Variants in CHGB observed in about 807,000 individuals in gnomAD.
CHGB encodes chromogranin B, also known as secretogranin-1.
CHGB carries 46 observed loss-of-function variants against 69.9 expected under a neutral mutation model. That is an observed-to-expected ratio of 0.66 (90% confidence interval 0.52 to 0.84). The LOEUF (loss-of-function observed/expected upper bound fraction) is 0.84. Among genes scored for constraint, CHGB ranks in the 40% least tolerant of loss-of-function variants. CHGB has a pLI of 0.00. For synonymous variants in CHGB, 312 were observed against 298.2 expected (o/e 1.05, Z -0.48); for missense variants, 796 against 822.2 (o/e 0.97, Z 0.39).
In CHGB at chr20:5,917,147, C is replaced by T. The variant is rs1036449648; in HGVS notation, c.190+228C>T. 24 of 546,378 alleles carry T rather than the reference C, an allele frequency of 4.4e-5. No homozygotes were observed. The South Asian group carries it at 4.5e-4, about 10-fold the overall frequency. 33.8% of individuals were successfully genotyped at this position (546,378 alleles called of 1,614,324 possible). On this transcript the variant is annotated intron_variant, in intron 3 of 4. Coordinates refer to ENST00000378961, the MANE Select transcript of CHGB (RefSeq NM_001819.3). ...AGGAAAGACAGTTTGCCTCTCTTTT[C>T]CTCAAAGTAAAATGAAGGAGTTGAA... is the stretch of plus-strand genomic sequence containing the variant.
intron 3 of CHGB, among the ~76,000 whole-genome samples, chr20:5,921,128 A>T (rs1257518726): frequency 6.6e-6 from 1 of 152,118 alleles, no homozygotes; most frequent in Non-Finnish European, 1.5e-5. Flanking sequence ...TTTTTTTCTG[A>T]TATATAATTT....
At chr20:5,914,779 G>A (rs6053788) in intron 1 of CHGB, 2 of 152,222 alleles carry the variant, frequency 1.3e-5, no homozygotes, top group Non-Finnish European at 2.9e-5. Flanking sequence ...AAGCATTTCA[G>A]GAGGAACTTG....
rs1381527582 is a variant in CHGB at position 5,922,963 on chromosome 20, G to A, written c.819G>A (p.Glu273=). The A allele has an allele frequency of 6.2e-7, 1 of 1,610,716 alleles. No individual in the cohort carries two copies. Among genetic ancestry groups the A allele is most frequent in the South Asian group, 1.1e-5 (1 of 90,768 alleles). Residue 273 remains glutamate (E), a synonymous_variant, in exon 4 of 5, where the codon GAG becomes GAA. Coordinates refer to ENST00000378961, the MANE Select transcript of CHGB (RefSeq NM_001819.3). ...AAGGTGAGGAAGATGCCACCTCTGAGGTGGACAAACGACGCACGAGGCCCA... is the reference window on the plus strand; with the variant it reads ...AAGGTGAGGAAGATGCCACCTCTGAAGTGGACAAACGACGCACGAGGCCCA... ...SEEGEEDATS[E]VDKRRTRPRH... is the part of the protein sequence containing the mutation.
intron 3 of CHGB, among the ~76,000 whole-genome samples, chr20:5,921,352 C>T (rs562892745): frequency 6.6e-6 from 1 of 152,214 alleles, no homozygotes; most frequent in South Asian, 2.1e-4. Context: ...CAGTGTAGAC[C>T]CAGAGCTGTC....
At position 5,923,334 on chromosome 20, in the gene CHGB, T is replaced by C; in HGVS notation, c.1190T>C (p.Met397Thr). 6.2e-7 allele frequency: 1 copy of C among 1,613,646 alleles called. No homozygotes were observed. Among genetic ancestry groups the C allele is most frequent in the Non-Finnish European group, 8.5e-7 (1 of 1,179,998 alleles). ...RNYPSLELDK[M>T]AHGYGEESEE... Reference sequence around the variant, plus strand: ...TACCCCAGCTTAGAGCTTGATAAGATGGCACATGGATATGGTGAAGAAAGT... The same window carrying C: ...TACCCCAGCTTAGAGCTTGATAAGACGGCACATGGATATGGTGAAGAAAGT... The change falls in exon 4 of 5, where the codon ATG (methionine) becomes ACG (threonine). Residue 397 changes from methionine (M) to threonine (T), a missense_variant. Around this residue, in one of 3 missense-constraint regions of CHGB, gnomAD observed 518 missense variants for 506.3 expected, o/e 1.02. Transcript: ENST00000378961.
At chr20:5,920,125 C>T (rs886761352) in intron 3 of CHGB, among the ~76,000 whole-genome samples, 4 of 152,220 alleles carry the variant, frequency 2.6e-5, no homozygotes, top group African/African-American at 9.7e-5. Context: ...CCAGGCCCAC[C>T]TGCGGGGCTT....
chr20:5,916,261 A>G, intron 1 of CHGB, 65 bp from the exon 2 acceptor site: 1 of 1,263,188 alleles, frequency 7.9e-7, no homozygotes, highest in South Asian at 1.3e-5. Context: ...TGATTTTGTC[A>G]GTTGGGGTCA....
At chr20:5,915,563 G>A (rs944346328) in intron 1 of CHGB, 2 of 152,096 alleles carry the variant, frequency 1.3e-5, no homozygotes, top group African/African-American at 4.8e-5. Flanking sequence ...AATTAATTAT[G>A]GAAGACATCC....
Position 5,923,723 on chromosome 20 carries a change from G to A in CHGB, c.1579G>A (p.Asp527Asn), listed in dbSNP as rs947737988. ...RLGELFNPYYDPLQWKSSHFE... is the reference protein window; with the variant it reads ...RLGELFNPYYNPLQWKSSHFE... ...AGGGGAACTGTTCAACCCATACTAC[G>A]ACCCTCTCCAGTGGAAGAGCAGCCA... Residue 527 changes from aspartate (D) to asparagine (N), a missense_variant, in exon 4 of 5, where the codon GAC becomes AAC. Asp to Asn is a conservative substitution (Grantham distance 23, BLOSUM62 1). Transcript: ENST00000378961. 6 of 1,614,004 alleles carry A rather than the reference G, an allele frequency of 3.7e-6. No homozygotes were observed. Among genetic ancestry groups the A allele is most frequent in the Non-Finnish European group, 4.2e-6 (5 of 1,180,036 alleles).
rs11558195 is a variant in CHGB, at chr20:5,911,644, C to T, written c.11C>T (p.Thr4Met). 7 of 1,511,154 alleles carry T rather than the reference C, an allele frequency of 4.6e-6. No individual in the cohort carries two copies. In the Admixed American group the frequency reaches 6.2e-5, roughly 13 times the overall value. The allele number at this position is 1,511,154 out of a possible 1,614,324, so 93.6% of individuals were successfully genotyped here. A position where few individuals can be genotyped will look rare whatever the true frequency, so the allele number is the denominator to read the frequency against. Reference protein sequence around the residue: MQPTLLLSLLGAVG... With the variant: MQPMLLLSLLGAVG... ...CCGCCGAGCGGGGCCATGCAGCCAA[C>T]GCTGCTTCTCAGCCTCCTGGGAGCC... The change falls in exon 1 of 5, where the codon ACG (threonine) becomes ATG (methionine). Residue 4 changes from threonine to methionine, a missense_variant. By Grantham distance (81) the Thr-to-Met change is moderately conservative. This residue lies in a region of CHGB where 518 missense variants were observed against 506.3 expected (regional missense o/e 1.02). Transcript: ENST00000378961.
At chr20:5,921,116 A>G (rs998440131) in intron 3 of CHGB, among the ~76,000 whole-genome samples, 52 of 152,248 alleles carry the variant, frequency 3.4e-4, no homozygotes, top group African/African-American at 1.2e-3. Flanking sequence ...ATTTTTATCC[A>G]ATTTTTTTCT....
At chr20:5,912,944 A>G (rs1011560401) in intron 1 of CHGB, among the ~76,000 whole-genome samples, 9 of 152,190 alleles carry the variant, frequency 5.9e-5, no homozygotes, top group Non-Finnish European at 1.0e-4. Context: ...AATTCTTGTC[A>G]TTCTCACAAA....
At chr20:5,924,822 C>T (rs2088540376) in intron 4 of CHGB, 150 bp from the exon 5 acceptor site, 1 of 549,708 alleles carries the variant, frequency 1.8e-6, no homozygotes, top group East Asian at 3.2e-5. Context: ...TGCCACTGGT[C>T]AGGGGACCAC....
chr20:5,911,642 A>G lies in CHGB; in HGVS notation c.9A>G (p.Pro3=), dbSNP rs1309552727. The G allele has an allele frequency of 4.0e-6, 6 of 1,512,310 alleles. No homozygotes were observed. In the Admixed American group the frequency reaches 8.2e-5, roughly 21 times the overall value. 93.7% of individuals were successfully genotyped at this position (1,512,310 alleles called of 1,614,324 possible). A position where few individuals can be genotyped will look rare whatever the true frequency, so the allele number is the denominator to read the frequency against. The part of the protein sequence containing the change: MQ[P]TLLLSLLGAV... ...GGCCGCCGAGCGGGGCCATGCAGCC[A>G]ACGCTGCTTCTCAGCCTCCTGGGAG... The change falls in exon 1 of 5, where the codon CCA becomes CCG. Residue 3 remains proline, a synonymous_variant. Coordinates refer to ENST00000378961, the MANE Select transcript of CHGB (RefSeq NM_001819.3).
chr20:5,913,754 C>G (rs549119256), intron 1 of CHGB, among the ~76,000 whole-genome samples: 2 of 151,264 alleles, frequency 1.3e-5, no homozygotes, highest in South Asian at 2.1e-4. Flanking sequence ...TTCAGCCTCC[C>G]GAGTAGCTGG....
intron 3 of CHGB, among the ~76,000 whole-genome samples, chr20:5,918,672 C>T (rs544301423): frequency 6.6e-5 from 10 of 150,452 alleles, no homozygotes; most frequent in Non-Finnish European, 4.4e-5. Flanking sequence ...ATTAGCCGGG[C>T]GTGGTGACAC....
chr20:5,923,653 T>C lies in CHGB; in HGVS notation c.1509T>C (p.Asp503=), dbSNP rs1454237870. 6 of 1,613,888 alleles carry C rather than the reference T, an allele frequency of 3.7e-6. No homozygotes were observed. Among genetic ancestry groups the C allele is most frequent in the African/African-American group, 2.7e-5 (2 of 74,880 alleles). The part of the protein sequence containing the change: ...KENREEARFQ[D]KQYSSHHTAE... ...ACAGGGAGGAAGCTAGGTTTCAAGATAAACAATATAGCTCCCATCACACAG... is the reference window on the plus strand; with the variant it reads ...ACAGGGAGGAAGCTAGGTTTCAAGACAAACAATATAGCTCCCATCACACAG... Residue 503 remains aspartate, a synonymous_variant, in exon 4 of 5, where the codon GAT becomes GAC. Coordinates refer to ENST00000378961, the MANE Select transcript of CHGB (RefSeq NM_001819.3).
intron 1 of CHGB, 81 bp downstream of exon 1, chr20:5,911,763 C>T: frequency 7.8e-7 from 1 of 1,275,272 alleles, no homozygotes; most frequent in East Asian, 3.1e-5. Flanking sequence ...GCCAGGCTGG[C>T]GGATCCCGGG....
chr20:5,912,512 TAGG>T (rs2088452547), intron 1 of CHGB, among the ~76,000 whole-genome samples: 1 of 152,088 alleles, frequency 6.6e-6, no homozygotes, highest in African/African-American at 2.4e-5. Context: ...TTAGCCAATT[TAGG>T]AGGATTGAAT....
Sources: allele counts gnomAD v4.1 joint callset (sites outside exome capture counted in the v4.1 genomes callset), GRCh38; gene constraint gnomAD v4.1.1; regional missense constraint gnomAD v4.1.1; transcripts MANE v1.5; gene names NCBI Gene and HGNC (gene_info 2026-07-23, HGNC 2026-07-21).